KRAS: variants seen among roughly 807,000 people sequenced by gnomAD.
KRAS encodes the protein GTPase KRas.
A neutral mutation model predicts 21.0 loss-of-function variants in KRAS; 1 was observed. That is an observed-to-expected ratio of 0.05 (90% CI 0.02 to 0.23). The LOEUF (loss-of-function observed/expected upper bound fraction) is 0.23, where lower values mean the gene tolerates loss of function less well. KRAS is among the 10% of genes least tolerant of loss of function. The probability of loss-of-function intolerance (pLI) is 1.00; values close to 1 mark genes in which losing one functional copy is unlikely to be tolerated. For synonymous variants in KRAS, 67 were observed against 72.5 expected, an observed-to-expected ratio of 0.92 and a Z score of 0.39; for missense variants, 107 against 221.8, an observed-to-expected ratio of 0.48 and a Z score of 3.29.
intron 2 of KRAS, among the ~76,000 whole-genome samples, chr12:25,229,012 T>C (rs1951430978): frequency 1.3e-5 from 2 of 152,078 alleles, no homozygotes; most frequent in South Asian, 2.1e-4. Flanking sequence ...TGAGCCAAGA[T>C]CGCTCCACTG....
intron 4 of KRAS, among the ~76,000 whole-genome samples, chr12:25,224,100 G>T (rs1951359532): frequency 6.7e-6 from 1 of 148,586 alleles, no homozygotes; most frequent in Admixed American, 6.8e-5. Context: ...GGTGATGCTG[G>T]TGTAAACAAA....
chr12:25,250,841 G>A lies in KRAS; in HGVS notation c.-102C>T. 4.3e-6 allele frequency: 1 copy of A among 231,852 alleles called. No individual in the cohort carries two copies. Among genetic ancestry groups the A allele is most frequent in the Non-Finnish European group, 8.4e-6 (1 of 118,796 alleles). The allele number at this position is 231,852 out of a possible 1,614,324, so 14.4% of individuals were successfully genotyped here. A position where few individuals can be genotyped will look rare whatever the true frequency, so the allele number is the denominator to read the frequency against. On this transcript the variant is annotated 5_prime_UTR_variant, in exon 1 of 5. Coordinates refer to ENST00000311936, the MANE Select transcript of KRAS (RefSeq NM_004985.5). Reference sequence around the variant, plus strand: ...GCTCGCTCCCAGTCCGAAATGGCGGGGGCCGGGAGTACTGGCCGAGCCGCC... The same window carrying A: ...GCTCGCTCCCAGTCCGAAATGGCGGAGGCCGGGAGTACTGGCCGAGCCGCC...
intron 2 of KRAS, among the ~76,000 whole-genome samples, chr12:25,228,854 A>G (rs771091685): frequency 2.6e-5 from 4 of 152,106 alleles, no homozygotes; most frequent in Non-Finnish European, 4.4e-5. Flanking sequence ...AGGTCAGGAG[A>G]TCAAGAACAT....
intron 2 of KRAS, among the ~76,000 whole-genome samples, chr12:25,239,455 T>G (rs1232107714): frequency 1.3e-5 from 2 of 152,174 alleles, no homozygotes; most frequent in Non-Finnish European, 2.9e-5. Flanking sequence ...TTATCCAAAT[T>G]CCACAAATAA....
intron 1 of KRAS, among the ~76,000 whole-genome samples, chr12:25,247,298 G>GTT (rs1478383558): frequency 1.3e-5 from 2 of 152,080 alleles, no homozygotes; most frequent in Non-Finnish European, 1.5e-5. Context: ...TAATAATTTG[G>GTT]TTTCCCAAAT....
At chr12:25,224,201 A>G (rs1273770307) in intron 4 of KRAS, among the ~76,000 whole-genome samples, 1 of 151,366 alleles carries the variant, frequency 6.6e-6, no homozygotes, top group East Asian at 1.9e-4. Flanking sequence ...AAAAAAAAAA[A>G]AAAAAAAAGT....
Position 25,208,156 on chromosome 12 carries a change from TTA to T in KRAS, c.*1637_*1638del, listed in dbSNP as rs535478558. On this transcript the variant is annotated 3_prime_UTR_variant, in exon 5 of 5. Transcript: ENST00000311936. ...TATCCTTATGTAAATGGAATATAAA[TTA>T]CATAGTTGTAAAAAAAAAAAACTAA... 2.9e-3 allele frequency: 596 copies of T among 206,502 alleles called. 9 individuals carry two copies. The highest frequency in any genetic ancestry group is 0.013 in the African/African-American group (546 of 42,240). The allele number at this position is 206,502 out of a possible 1,614,324, so 12.8% of individuals were successfully genotyped here.
chr12:25,230,054 G>C (rs1377639575), intron 2 of KRAS, among the ~76,000 whole-genome samples: 1 of 152,158 alleles, frequency 6.6e-6, no homozygotes, highest in East Asian at 1.9e-4. Context: ...TTACAGGCAT[G>C]AGCCACTGCG....
chr12:25,246,451 G>C (rs1387829521), intron 1 of KRAS, among the ~76,000 whole-genome samples: 5 of 151,812 alleles, frequency 3.3e-5, no homozygotes, highest in Non-Finnish European at 7.4e-5. Context: ...CTAGCTACTG[G>C]GGAGGCTGAG....
At chr12:25,233,436 C>T (rs1951502218) in intron 2 of KRAS, among the ~76,000 whole-genome samples, 1 of 152,020 alleles carries the variant, frequency 6.6e-6, no homozygotes, top group African/African-American at 2.4e-5. Context: ...TACCTGTAGT[C>T]CCAGCTATTT....
intron 2 of KRAS, among the ~76,000 whole-genome samples, chr12:25,243,853 T>C (rs1277003083): frequency 2.0e-5 from 3 of 152,210 alleles, no homozygotes; most frequent in South Asian, 2.1e-4. Flanking sequence ...TTGAATTAAC[T>C]TGTCAAAAGT....
chr12:25,235,590 G>T lies in KRAS; in HGVS notation c.112-8178C>A, dbSNP rs192097528. On this transcript the variant is annotated intron_variant, in intron 2 of 4. Transcript: ENST00000311936. Reference sequence around the variant, plus strand: ...AATAAATAATTAAAATAAAATGAATGTAACACCATATGCAAGACGAAGTAC... The same window carrying T: ...AATAAATAATTAAAATAAAATGAATTTAACACCATATGCAAGACGAAGTAC... 3.2e-4 allele frequency among the ~76,000 whole-genome samples: 49 copies of T among 152,246 alleles called. No homozygotes were observed. The East Asian group carries it at 8.7e-3, about 27-fold the overall frequency.
intron 2 of KRAS, chr12:25,235,153 T>C (rs907357217): frequency 1.2e-5 from 6 of 487,898 alleles, no homozygotes; most frequent in Non-Finnish European, 1.5e-5. Flanking sequence ...TACTCGGGGA[T>C]TTCCTCTTGA....
intron 2 of KRAS, among the ~76,000 whole-genome samples, chr12:25,237,922 T>C (rs1354022802): frequency 3.3e-5 from 5 of 152,194 alleles, no homozygotes; most frequent in Non-Finnish European, 7.4e-5. Context: ...TTTGCAAAAC[T>C]GGTCACCATA....
chr12:25,213,116 A>C (rs1951215865), intron 4 of KRAS, among the ~76,000 whole-genome samples: 1 of 152,092 alleles, frequency 6.6e-6, no homozygotes, highest in Non-Finnish European at 1.5e-5. Context: ...TTAATTACCA[A>C]GTATACTTCT....
chr12:25,217,469 T>C (rs1333015115), intron 4 of KRAS, among the ~76,000 whole-genome samples: 1 of 147,872 alleles, frequency 6.8e-6, no homozygotes, highest in Admixed American at 6.7e-5. Flanking sequence ...ACATATACTA[T>C]CCAGTGATAT....
At chr12:25,210,340 CACAGTA>C (rs1951189285) in intron 4 of KRAS, among the ~76,000 whole-genome samples, 1 of 152,082 alleles carries the variant, frequency 6.6e-6, no homozygotes, top group Admixed American at 6.5e-5. Flanking sequence ...TATCTTCACA[CACAGTA>C]ACAGTATTTG....
intron 2 of KRAS, among the ~76,000 whole-genome samples, chr12:25,238,524 G>A (rs1476810594): frequency 6.6e-6 from 1 of 152,062 alleles, no homozygotes; most frequent in Non-Finnish European, 1.5e-5. Context: ...TAATCTAACG[G>A]TATCTGAAAC....
intron 2 of KRAS, among the ~76,000 whole-genome samples, chr12:25,244,223 C>G (rs991851705): frequency 2.0e-5 from 3 of 152,074 alleles, no homozygotes; most frequent in Non-Finnish European, 4.4e-5. Context: ...GAAGAAAGTT[C>G]TTAGAAATTT....
Sources: gnomAD v4.1 joint callset for allele counts (sites outside exome capture counted in the v4.1 genomes callset) on GRCh38, gnomAD v4.1.1 for gene constraint, MANE v1.5 for transcripts, NCBI Gene and HGNC (gene_info 2026-07-23, HGNC 2026-07-21) for gene names.